CCDC144A: variants seen among roughly 807,000 people sequenced by gnomAD.
CCDC144A encodes the protein coiled-coil domain containing 144A.
Under a neutral mutation model 143.8 loss-of-function variants are expected in CCDC144A, and 41 were observed. That is an observed-to-expected ratio of 0.29 (90% CI 0.22 to 0.37). The LOEUF is 0.37. Ranked by LOEUF, CCDC144A falls within the 10% of genes least tolerant of loss-of-function variation. The probability of loss-of-function intolerance (pLI) is 1.00; values close to 1 mark genes in which losing one functional copy is unlikely to be tolerated. For missense variants in CCDC144A, 637 were observed against 1,488.8 expected (o/e 0.43, Z 9.41); for synonymous variants, 242 against 517.9 (o/e 0.47, Z 7.23).
chr17:16,696,382 A>T (rs1387978875), intron 2 of CCDC144A, among the ~76,000 whole-genome samples: 2 of 151,228 alleles, frequency 1.3e-5, no homozygotes, highest in East Asian at 3.9e-4. Context: ...CTATAATCCC[A>T]GCATTTTGGG....
chr17:16,712,130 C>CA (rs71355518), intron 6 of CCDC144A: 6,914 of 176,784 alleles, frequency 0.039, 106 homozygotes, highest in Non-Finnish European at 0.056. Context: ...AACTCCATTT[C>CA]AAAAAAAAAA....
rs1191834531 is a variant in CCDC144A at position 16,774,615 on chromosome 17, G to T, written c.*982G>T. The T allele has an allele frequency of 1.5e-5, 2 of 136,772 alleles. No individual in the cohort carries two copies. The highest frequency in any genetic ancestry group is 3.0e-5 in the Non-Finnish European group (2 of 65,930). 8.5% of individuals were successfully genotyped at this position (136,772 alleles called of 1,614,324 possible). The stretch of plus-strand genomic sequence containing the variant: ...GATTTAGATGATAATTTTTTTTTTG[G>T]CAAGAGTATCACAGAAGTTATCCCA... On this transcript the variant is annotated 3_prime_UTR_variant, in exon 17 of 17. Coordinates refer to ENST00000399273, the MANE Select transcript of CCDC144A (RefSeq NM_001382000.1).
intron 12 of CCDC144A, among the ~76,000 whole-genome samples, chr17:16,750,969 A>C (rs1355345271): frequency 1.3e-5 from 2 of 152,110 alleles, no homozygotes; most frequent in African/African-American, 4.8e-5. Context: ...TTTCTCTTTA[A>C]TCTCATTGAG....
At position 16,709,202 on chromosome 17, in the gene CCDC144A, G is replaced by C; in HGVS notation, c.1145G>C (p.Gly382Ala). 1.9e-6 allele frequency: 3 copies of C among 1,611,452 alleles called. No individual in the cohort carries two copies. Among genetic ancestry groups the C allele is most frequent in the Non-Finnish European group, 1.7e-6 (2 of 1,179,624 alleles). The change falls in exon 5 of 17, where the codon GGG becomes GCG. Residue 382 changes from glycine (G) to alanine (A), a missense_variant. Gly to Ala is a moderately conservative substitution (Grantham distance 60). Transcript: ENST00000399273. The stretch of plus-strand genomic sequence containing the variant: ...CATCCATACTATCATCCATACTCTG[G>C]GTCCCAGGAACATGTTTGCCAGTCA... Reference protein sequence around the residue: ...IIHPYYHPYSGSQEHVCQSSS... With the variant: ...IIHPYYHPYSASQEHVCQSSS...
At chr17:16,711,393 C>T (rs1353533935) in intron 5 of CCDC144A, among the ~76,000 whole-genome samples, 4 of 151,816 alleles carry the variant, frequency 2.6e-5, no homozygotes. Flanking sequence ...AATAAAAGCA[C>T]AAAATTAAGA....
rs1555531719 is a variant in CCDC144A at position 16,711,145 on chromosome 17, A to AAAAAAAAAC, written c.1579-526_1579-525insCAAAAAAAA. Among the ~76,000 whole-genome samples, 342 of 133,476 alleles carry AAAAAAAAAC rather than the reference A, an allele frequency of 2.6e-3. 4 individuals carry two copies. The highest frequency in any genetic ancestry group is 7.8e-3 in the Middle Eastern group (2 of 256). 87.6% of individuals were successfully genotyped at this position (133,476 alleles called of 152,430 possible). A position where few individuals can be genotyped will look rare whatever the true frequency, so the allele number is the denominator to read the frequency against. On this transcript the variant is annotated intron_variant, in intron 5 of 16. Transcript: ENST00000399273. ...ATCCCAGGATTCAAATGAAAAAAAA[A>AAAAAAAAAC]AAAAAAAAAAAAACAAAAGTTAGTG...
chr17:16,737,479 A>G, intron 12 of CCDC144A: 3 of 1,266,416 alleles, frequency 2.4e-6, no homozygotes, highest in Non-Finnish European at 3.1e-6. Flanking sequence ...GTTAAATCTT[A>G]CTACCATAAT....
chr17:16,740,843 G>T (rs1187176411), intron 12 of CCDC144A, among the ~76,000 whole-genome samples: 3 of 152,106 alleles, frequency 2.0e-5, no homozygotes, highest in Middle Eastern at 3.2e-3. Context: ...AATATTTCTG[G>T]TTTTTTCAAC....
chr17:16,771,913 T>C, intron 15 of CCDC144A, 64 bp from the exon 16 acceptor site: 1 of 1,342,914 alleles, frequency 7.4e-7, no homozygotes, highest in Non-Finnish European at 1.0e-6. Flanking sequence ...ATTTTGTAAT[T>C]AATGCTCCTT....
At chr17:16,703,452 TAA>T (rs1045981676) in intron 2 of CCDC144A, among the ~76,000 whole-genome samples, 8 of 152,150 alleles carry the variant, frequency 5.3e-5, no homozygotes, top group African/African-American at 1.7e-4. Context: ...AGCTTTTATT[TAA>T]GTCAGTTGTG....
intron 12 of CCDC144A, chr17:16,746,111 G>A: frequency 4.4e-6 from 7 of 1,595,144 alleles, no homozygotes; most frequent in South Asian, 1.1e-5. Context: ...CGACTGCACC[G>A]GGAGCACAGG....
In CCDC144A at chr17:16,690,339, C is replaced by T; in HGVS notation, c.-62C>T. The T allele has an allele frequency of 7.5e-7, 1 of 1,331,314 alleles. No homozygotes were observed. The highest frequency in any genetic ancestry group is 1.0e-6 in the Non-Finnish European group (1 of 990,770). The allele number at this position is 1,331,314 out of a possible 1,614,324, so 82.5% of individuals were successfully genotyped here. A position where few individuals can be genotyped will look rare whatever the true frequency, so the allele number is the denominator to read the frequency against. ...TTCTGGCTTGGCGGTCCTCCTTTCG[C>T]AGATTGGAAACCGCGGGCTATCCTG... On this transcript the variant is annotated 5_prime_UTR_variant, in exon 1 of 17. Transcript: ENST00000399273.
chr17:16,677,788 C>CA, the CCDC144A span, among the ~76,000 whole-genome samples: 1 of 148,794 alleles, frequency 6.7e-6, no homozygotes, highest in Non-Finnish European at 1.5e-5. Context: ...GCCTGGGTAT[C>CA]AGAGTGAAAC....
In CCDC144A at chr17:16,773,667, G is replaced by A. The variant is rs1245580832; in HGVS notation, c.*34G>A. 1.4e-6 allele frequency: 2 copies of A among 1,443,452 alleles called. No individual in the cohort carries two copies. Among genetic ancestry groups the A allele is most frequent in the Middle Eastern group, 2.3e-4 (1 of 4,440 alleles). 89.4% of individuals were successfully genotyped at this position (1,443,452 alleles called of 1,614,324 possible). A position where few individuals can be genotyped will look rare whatever the true frequency, so the allele number is the denominator to read the frequency against. ...GCAATTTTATTTGGGCTATTCACAT[G>A]ATATTTTGTTTCCCATTAAATATAT... On this transcript the variant is annotated 3_prime_UTR_variant, in exon 17 of 17. Transcript: ENST00000399273.
chr17:16,699,502 A>C (rs1232508421), intron 2 of CCDC144A, among the ~76,000 whole-genome samples: 3 of 13,810 alleles, frequency 2.2e-4, no homozygotes, highest in African/African-American at 3.4e-4. Context: ...CAGCCTCCTG[A>C]GTAGCTGGGA....
intron 13 of CCDC144A, 134 bp from the exon 14 acceptor site, chr17:16,762,179 T>C: frequency 7.2e-7 from 1 of 1,395,902 alleles, no homozygotes. Context: ...TTCACATTTT[T>C]CTTAAAATTG....
At chr17:16,689,982 G>A (rs4792764), upstream of CCDC144A, 4,153 of 156,062 alleles carry the variant, frequency 0.027, 81 homozygotes, top group Admixed American at 0.05. Flanking sequence ...TCCGAGGGAG[G>A]ACCAGCCAGC....
upstream of CCDC144A, among the ~76,000 whole-genome samples, chr17:16,686,091 G>GTTTTTTTTT (rs67135656): frequency 2.1e-3 from 241 of 114,470 alleles, no homozygotes; most frequent in Non-Finnish European, 3.3e-3. Flanking sequence ...TGTTTTTTTT[G>GTTTTTTTTT]TTTTTTTTTT....
rs772123475 is a variant in CCDC144A, at chr17:16,709,055, T to G, written c.998T>G (p.Ile333Ser). 5 of 1,611,688 alleles carry G rather than the reference T, an allele frequency of 3.1e-6. No homozygotes were observed. Among genetic ancestry groups the G allele is most frequent in the African/African-American group, 1.3e-5 (1 of 74,972 alleles). ...ACAAGAGGAACAGATGTAAAGGATA[T>G]TCCCTTTAATTTGACAAATAACATA... The part of the protein sequence containing the change: ...NSTRGTDVKD[I>S]PFNLTNNIPG... The change falls in exon 5 of 17, where the codon ATT becomes AGT. Residue 333 changes from isoleucine (I) to serine (S), a missense_variant. Physicochemically the swap from Ile to Ser is moderately radical, Grantham distance 142. Transcript: ENST00000399273.
Sources: gnomAD v4.1 joint callset for allele counts (sites outside exome capture counted in the v4.1 genomes callset) on GRCh38, gnomAD v4.1.1 for gene constraint, MANE v1.5 for transcripts, NCBI Gene and HGNC (gene_info 2026-07-23, HGNC 2026-07-21) for gene names.